Variants in CSMD3 observed in about 807,000 individuals in gnomAD.
CSMD3 encodes CUB and Sushi multiple domains 3, also known as CUB and sushi domain-containing protein 3.
In CSMD3, 177 loss-of-function variants were observed where a neutral mutation model predicts 435.2. That is an observed-to-expected ratio of 0.41 (90% confidence interval 0.36 to 0.46). CSMD3 has a LOEUF of 0.46. Ranked by LOEUF, CSMD3 falls within the 20% of genes least tolerant of loss-of-function variation. The probability of loss-of-function intolerance (pLI) is 0.34; values close to 1 mark genes in which losing one functional copy is unlikely to be tolerated. For synonymous variants in CSMD3, 1,656 were observed against 1,520.5 expected (o/e 1.09, Z -2.07); for missense variants, 4,265 against 4,504.6 (o/e 0.95, Z 1.52).
chr8:113,192,314 TG>T (rs1339562391), intron 3 of CSMD3, among the ~76,000 whole-genome samples: 1 of 151,682 alleles, frequency 6.6e-6, no homozygotes, highest in Non-Finnish European at 1.5e-5. Flanking sequence ...TCACAGTTGT[TG>T]TTTTTTTTAT....
At chr8:112,939,995 G>A (rs1364327163) in intron 9 of CSMD3, among the ~76,000 whole-genome samples, 1 of 151,888 alleles carries the variant, frequency 6.6e-6, no homozygotes, top group East Asian at 1.9e-4. Flanking sequence ...AGTGGGGAGA[G>A]ACAGAACACC....
At chr8:113,020,737 C>T (rs2086657404) in intron 5 of CSMD3, among the ~76,000 whole-genome samples, 1 of 152,102 alleles carries the variant, frequency 6.6e-6, no homozygotes, top group Non-Finnish European at 1.5e-5. Context: ...ATTTATTATA[C>T]TATGTTTGTG....
intron 3 of CSMD3, among the ~76,000 whole-genome samples, chr8:113,275,268 A>T (rs2093561238): frequency 6.6e-6 from 1 of 152,132 alleles, no homozygotes; most frequent in Non-Finnish European, 1.5e-5. Flanking sequence ...TTCTCTTTGC[A>T]GTATACCAGT....
At chr8:112,489,459 A>T (rs1820467301) in intron 31 of CSMD3, among the ~76,000 whole-genome samples, 1 of 152,148 alleles carries the variant, frequency 6.6e-6, no homozygotes, top group Non-Finnish European at 1.5e-5. Flanking sequence ...ATTACATCTG[A>T]AAGTCAGCCA....
At chr8:113,023,601 C>T (rs2086765350) in intron 5 of CSMD3, among the ~76,000 whole-genome samples, 1 of 151,948 alleles carries the variant, frequency 6.6e-6, no homozygotes, top group African/African-American at 2.4e-5. Flanking sequence ...TTCATCTTAT[C>T]CCTGGAACTT....
intron 15 of CSMD3, among the ~76,000 whole-genome samples, chr8:112,682,917 A>G (rs1159081925): frequency 3.9e-5 from 6 of 152,144 alleles, no homozygotes; most frequent in Non-Finnish European, 7.4e-5. Context: ...TCTGGAGACC[A>G]TGAGACTAGC....
intron 38 of CSMD3, among the ~76,000 whole-genome samples, chr8:112,372,431 G>A (rs1233902770): frequency 6.6e-6 from 1 of 152,080 alleles, no homozygotes; most frequent in East Asian, 1.9e-4. Flanking sequence ...AGGGTTGAGT[G>A]GAAGGAACAT....
intron 9 of CSMD3, 54 bp from the exon 10 acceptor site, chr8:112,921,805 T>C (rs1293023950): frequency 7.2e-7 from 1 of 1,391,240 alleles, no homozygotes; most frequent in Non-Finnish European, 1.0e-6. Context: ...ACATAATAAC[T>C]AGGCTTCACT....
At chr8:113,300,162 C>CAAAAA (rs34291122) in intron 2 of CSMD3, among the ~76,000 whole-genome samples, 50 of 116,564 alleles carry the variant, frequency 4.3e-4, no homozygotes, top group East Asian at 7.7e-4. Context: ...TCAAAAAAGT[C>CAAAAA]AAAAAAAAAA....
At chr8:112,785,516 G>C (rs1039593012) in intron 13 of CSMD3, among the ~76,000 whole-genome samples, 1 of 151,998 alleles carries the variant, frequency 6.6e-6, no homozygotes, top group African/African-American at 2.4e-5. Flanking sequence ...AAAATCTAAA[G>C]AGTCTACCAA....
intron 59 of CSMD3, among the ~76,000 whole-genome samples, chr8:112,270,644 T>A (rs1817443393): frequency 1.3e-5 from 2 of 152,118 alleles, no homozygotes; most frequent in African/African-American, 4.8e-5. Flanking sequence ...TAACTGAATC[T>A]ATAAAAAATC....
At chr8:112,314,326 A>G in intron 48 of CSMD3, 103 bp downstream of exon 48, 1 of 875,056 alleles carries the variant, frequency 1.1e-6, no homozygotes, top group Admixed American at 2.0e-5. Context: ...AATATCTGTA[A>G]GATAAACTCA....
chr8:113,258,936 T>C (rs1011434899), intron 3 of CSMD3, among the ~76,000 whole-genome samples: 2 of 152,088 alleles, frequency 1.3e-5, no homozygotes, highest in African/African-American at 4.8e-5. Flanking sequence ...TCTGATGAAT[T>C]GGATATAAGC....
At chr8:113,430,955 G>C (rs1242972395) in intron 1 of CSMD3, among the ~76,000 whole-genome samples, 2 of 152,136 alleles carry the variant, frequency 1.3e-5, no homozygotes, top group Admixed American at 1.3e-4. Flanking sequence ...TGCAAGTCTG[G>C]GGCCTTAAGA....
chr8:112,593,734 A>C, intron 22 of CSMD3, among the ~76,000 whole-genome samples: 1 of 152,178 alleles, frequency 6.6e-6, no homozygotes, highest in East Asian at 1.9e-4. Flanking sequence ...TGGAATAGTA[A>C]AGAGAAGATA....
intron 13 of CSMD3, among the ~76,000 whole-genome samples, chr8:112,762,255 T>C (rs2077857990): frequency 6.6e-6 from 1 of 151,906 alleles, no homozygotes; most frequent in African/African-American, 2.4e-5. Context: ...TAAGTTCTAG[T>C]TTTGGATTCT....
intron 45 of CSMD3, among the ~76,000 whole-genome samples, chr8:112,334,074 C>T (rs1000414841): frequency 1.3e-5 from 2 of 152,002 alleles, no homozygotes; most frequent in Non-Finnish European, 2.9e-5. Context: ...AAAAAAACAG[C>T]CGGAATAAAA....
intron 58 of CSMD3, among the ~76,000 whole-genome samples, chr8:112,285,162 C>T (rs1381880249): frequency 6.6e-6 from 1 of 151,906 alleles, no homozygotes; most frequent in Non-Finnish European, 1.5e-5. Context: ...AATATGCATG[C>T]TAACAAAGCA....
intron 13 of CSMD3, among the ~76,000 whole-genome samples, chr8:112,758,487 C>T (rs1302876139): frequency 6.6e-6 from 1 of 152,052 alleles, no homozygotes; most frequent in Non-Finnish European, 1.5e-5. Context: ...ATATAGCTAA[C>T]ATTAAATCTT....
Sources: gnomAD v4.1 joint callset for allele counts (sites outside exome capture counted in the v4.1 genomes callset) on GRCh38, gnomAD v4.1.1 for gene constraint, MANE v1.5 for transcripts, NCBI Gene and HGNC (gene_info 2026-07-23, HGNC 2026-07-21) for gene names.